Variants in COL4A2 observed in about 807,000 individuals in gnomAD.
COL4A2 encodes collagen type IV alpha 2 chain.
In COL4A2, 99 loss-of-function variants were observed where a neutral mutation model predicts 200.2. That is an observed-to-expected ratio of 0.49 (90% confidence interval 0.42 to 0.58). The LOEUF (loss-of-function observed/expected upper bound fraction) is 0.58, where lower values mean the gene tolerates loss of function less well. Ranked by LOEUF, COL4A2 falls within the 20% of genes least tolerant of loss-of-function variation. The pLI is 0.00. For missense variants in COL4A2, 1,950 were observed against 2,314.1 expected, an observed-to-expected ratio of 0.84 and a Z score of 3.23; for synonymous variants, 897 against 900.6, an observed-to-expected ratio of 1.00 and a Z score of 0.07.
At chr13:110,309,719 G>A (rs1884918449) in intron 3 of COL4A2, among the ~76,000 whole-genome samples, 2 of 152,176 alleles carry the variant, frequency 1.3e-5, no homozygotes, top group Non-Finnish European at 2.9e-5. Flanking sequence ...TGGGCATGGC[G>A]GCTCACGCCT....
At chr13:110,438,925 G>A (rs573208410) in intron 15 of COL4A2, among the ~76,000 whole-genome samples, 1 of 152,194 alleles carries the variant, frequency 6.6e-6, no homozygotes, top group East Asian at 1.9e-4. Flanking sequence ...GTGTGCAGAC[G>A]CGGCCCTCCC....
At chr13:110,343,474 C>G (rs148317448) in intron 3 of COL4A2, among the ~76,000 whole-genome samples, 2 of 152,262 alleles carry the variant, frequency 1.3e-5, no homozygotes, top group South Asian at 2.1e-4. Flanking sequence ...AGCTGCCAGG[C>G]GTGATTCACT....
chr13:110,484,951 G>T lies in COL4A2; in HGVS notation c.2949G>T (p.Leu983=), dbSNP rs1242113737. The T allele has an allele frequency of 1.9e-6, 3 of 1,613,090 alleles. No homozygotes were observed. The highest frequency in any genetic ancestry group is 1.1e-5 in the South Asian group (1 of 91,014). ...CCCCAGGACCACCTCCTGTCATCCT[G>T]CCAGGAATGAAAGACATTAAAGGAG... ...PGPPGPPPVI[L]PGMKDIKGEK... is the part of the protein sequence containing the mutation. Residue 983 remains leucine, a synonymous_variant, in exon 33 of 48, where the codon CTG becomes CTT. Transcript: ENST00000360467.
intron 4 of COL4A2, among the ~76,000 whole-genome samples, chr13:110,386,723 A>G (rs4771674): frequency 0.53 from 81,208 of 152,048 alleles, 22,682 homozygotes; most frequent in Admixed American, 0.63. Context: ...AGCCACTTCT[A>G]TGTAGAGAGT....
In COL4A2 at chr13:110,501,738, T is replaced by C; in HGVS notation, c.3831T>C (p.Ser1277=). 2 of 1,613,636 alleles carry C rather than the reference T, an allele frequency of 1.2e-6. No homozygotes were observed. Among genetic ancestry groups the C allele is most frequent in the East Asian group, 4.5e-5 (2 of 44,876 alleles). Residue 1277 remains serine, a synonymous_variant, in exon 41 of 48, where the codon TCT becomes TCC. Transcript: ENST00000360467. Reference sequence around the variant, plus strand: ...GTATCACACCCCCTTCCAACATCTCTGGGGCACCTGGTGACAAAGGGGCGC... The same window carrying C: ...GTATCACACCCCCTTCCAACATCTCCGGGGCACCTGGTGACAAAGGGGCGC... ...FPGITPPSNI[S]GAPGDKGAPG...
chr13:110,329,574 T>C (rs1875809524), intron 3 of COL4A2, among the ~76,000 whole-genome samples: 1 of 152,144 alleles, frequency 6.6e-6, no homozygotes, highest in Non-Finnish European at 1.5e-5. Context: ...TCCTTGGAAA[T>C]AGAGGGCACA....
intron 4 of COL4A2, among the ~76,000 whole-genome samples, chr13:110,387,551 C>T (rs1275873329): frequency 6.6e-6 from 1 of 152,208 alleles, no homozygotes; most frequent in Non-Finnish European, 1.5e-5. Context: ...CACACCTGCC[C>T]GAGGAGGCAG....
At chr13:110,438,335 C>T (rs1199742270) in intron 14 of COL4A2, among the ~76,000 whole-genome samples, 5 of 152,244 alleles carry the variant, frequency 3.3e-5, no homozygotes, top group Non-Finnish European at 2.9e-5. Flanking sequence ...GTTCTGCCCT[C>T]CGTCCCCTCT....
intron 4 of COL4A2, among the ~76,000 whole-genome samples, chr13:110,369,405 G>A (rs534537715): frequency 6.6e-6 from 1 of 152,162 alleles, no homozygotes. Flanking sequence ...TGCTCAACCA[G>A]TAAGTATGTG....
intron 3 of COL4A2, among the ~76,000 whole-genome samples, chr13:110,311,852 C>G (rs1301805061): frequency 6.6e-6 from 1 of 152,218 alleles, no homozygotes; most frequent in Non-Finnish European, 1.5e-5. Context: ...GTGCGGGGCC[C>G]CTGCCTGCCA....
chr13:110,484,425 T>C (rs1384566924), intron 32 of COL4A2, among the ~76,000 whole-genome samples: 1 of 152,008 alleles, frequency 6.6e-6, no homozygotes, highest in Non-Finnish European at 1.5e-5. Flanking sequence ...CCTCCCCTCC[T>C]GCAATTTCTC....
chr13:110,503,932 G>A lies in COL4A2; in HGVS notation c.4224G>A (p.Gly1408=), dbSNP rs1477883591. The change falls in exon 44 of 48, where the codon GGG becomes GGA. Residue 1408 remains glycine (G), a synonymous_variant. Coordinates refer to ENST00000360467, the MANE Select transcript of COL4A2 (RefSeq NM_001846.4). The part of the protein sequence containing the change: ...AVQPGTVGPQ[G]RRGPPGAPGE... The stretch of plus-strand genomic sequence containing the variant: ...AACCAGGGACAGTGGGTCCCCAGGG[G>A]AGGCGAGGCCCCCCTGGGGCACCGG... 1 of 1,595,482 alleles carries A rather than the reference G, an allele frequency of 6.3e-7. No individual in the cohort carries two copies. The highest frequency in any genetic ancestry group is 2.2e-5 in the East Asian group (1 of 44,740).
intron 39 of COL4A2, among the ~76,000 whole-genome samples, chr13:110,494,434 G>T (rs985493014): frequency 6.6e-6 from 1 of 151,926 alleles, no homozygotes; most frequent in Non-Finnish European, 1.5e-5. Flanking sequence ...ATCTATTATA[G>T]GACTAATAAA....
intron 4 of COL4A2, among the ~76,000 whole-genome samples, chr13:110,376,735 A>G (rs892393710): frequency 6.6e-6 from 1 of 152,098 alleles, no homozygotes; most frequent in Non-Finnish European, 1.5e-5. Flanking sequence ...CTCCCCAGTG[A>G]CATGGTAGCT....
intron 3 of COL4A2, among the ~76,000 whole-genome samples, chr13:110,334,793 G>A (rs752119909): frequency 6.6e-6 from 1 of 152,196 alleles, no homozygotes; most frequent in Non-Finnish European, 1.5e-5. Context: ...TGAAGACAAA[G>A]TAAAGATGCA....
At chr13:110,351,365 G>A (rs776508596) in intron 3 of COL4A2, among the ~76,000 whole-genome samples, 3 of 152,042 alleles carry the variant, frequency 2.0e-5, no homozygotes, top group South Asian at 2.1e-4. Context: ...ATGAGCCCCC[G>A]CACCCAGCCT....
chr13:110,448,408 G>A (rs922230522), intron 18 of COL4A2, among the ~76,000 whole-genome samples: 22 of 152,182 alleles, frequency 1.4e-4, no homozygotes, highest in African/African-American at 7.2e-5. Context: ...TCAGAAATGC[G>A]GAGGTTGCCT....
intron 3 of COL4A2, among the ~76,000 whole-genome samples, chr13:110,347,762 A>C (rs1876773122): frequency 1.3e-5 from 2 of 152,270 alleles, no homozygotes; most frequent in African/African-American, 4.8e-5. Context: ...TGCCAATAGC[A>C]CACTGTGTGT....
intron 4 of COL4A2, among the ~76,000 whole-genome samples, chr13:110,417,611 CAGTT>C (rs1880092661): frequency 2.0e-5 from 3 of 152,306 alleles, no homozygotes; most frequent in East Asian, 1.9e-4. Flanking sequence ...TGTGCCCTCT[CAGTT>C]AGTCCCTCCC....
Sources: gnomAD v4.1 joint callset for allele counts (sites outside exome capture counted in the v4.1 genomes callset) on GRCh38, gnomAD v4.1.1 for gene constraint, MANE v1.5 for transcripts, NCBI Gene and HGNC (gene_info 2026-07-23, HGNC 2026-07-21) for gene names.